ATL1: variants seen among roughly 807,000 people sequenced by gnomAD.
ATL1 encodes the protein atlastin GTPase 1.
Under a neutral mutation model 75.5 loss-of-function variants are expected in ATL1, and 31 were observed. The observed-to-expected ratio is 0.41, with a 90% confidence interval of 0.31 to 0.55. The LOEUF (loss-of-function observed/expected upper bound fraction) is 0.55, where lower values mean the gene tolerates loss of function less well. Ranked by LOEUF, ATL1 falls within the 20% of genes least tolerant of loss-of-function variation. The pLI, the probability that ATL1 is intolerant of heterozygous loss-of-function variation, is 0.27. For missense variants in ATL1, 405 were observed against 662.6 expected (o/e 0.61, Z 4.27); for synonymous variants, 226 against 233.3 (o/e 0.97, Z 0.28).
chr14:50,629,593 A>AT (rs1555365944), intron 12 of ATL1, among the ~76,000 whole-genome samples: 2 of 151,940 alleles, frequency 1.3e-5, no homozygotes, highest in African/African-American at 4.8e-5. Context: ...CAAAAAAAAA[A>AT]AAAAAAACCC....
At chr14:50,572,954 C>T (rs747989577) in intron 1 of ATL1, among the ~76,000 whole-genome samples, 8 of 152,016 alleles carry the variant, frequency 5.3e-5, no homozygotes, top group South Asian at 2.1e-4. Context: ...CATAAGGGGA[C>T]GCAAACACAT....
At chr14:50,578,846 C>T (rs1949305785) in intron 1 of ATL1, among the ~76,000 whole-genome samples, 1 of 152,106 alleles carries the variant, frequency 6.6e-6, no homozygotes, top group Non-Finnish European at 1.5e-5. Context: ...GTCAGGAATA[C>T]ATATATTTGT....
chr14:50,623,290 G>A (rs1428368268), intron 11 of ATL1, 42 bp downstream of exon 11: 3 of 1,491,566 alleles, frequency 2.0e-6, no homozygotes, highest in Non-Finnish European at 1.9e-6. Context: ...AACAAAACCA[G>A]TATCCTTCAT....
chr14:50,632,156 AAACT>A (rs1286122440), intron 13 of ATL1, 69 bp from the exon 14 acceptor site: 6 of 1,029,786 alleles, frequency 5.8e-6, no homozygotes, highest in African/African-American at 3.3e-5. Context: ...ACAGTACGAT[AAACT>A]AAAAAGGAAA....
chr14:50,574,937 G>GTGTCTA (rs1475087119), intron 1 of ATL1, among the ~76,000 whole-genome samples: 1 of 23,156 alleles, frequency 4.3e-5, no homozygotes, highest in African/African-American at 1.9e-4. Context: ...GTGTGTGTGT[G>GTGTCTA]TATATATATA....
chr14:50,606,386 CTTG>C, intron 6 of ATL1, among the ~76,000 whole-genome samples: 1 of 151,970 alleles, frequency 6.6e-6, no homozygotes, highest in Non-Finnish European at 1.5e-5. Context: ...CCAGGAGGAG[CTTG>C]CAGTTTTGAT....
intron 3 of ATL1, 33 bp from the exon 4 acceptor site, chr14:50,591,502 A>G: frequency 7.0e-7 from 1 of 1,437,260 alleles, no homozygotes; most frequent in East Asian, 2.3e-5. Flanking sequence ...GATGTTCTAT[A>G]AAATATCAAT....
At chr14:50,552,971 A>G (rs930934590) in intron 1 of ATL1, among the ~76,000 whole-genome samples, 3 of 152,196 alleles carry the variant, frequency 2.0e-5, no homozygotes, top group South Asian at 4.1e-4. Flanking sequence ...CATGACTAAG[A>G]ATCCGAAAGC....
chr14:50,629,293 T>C (rs181100958), intron 12 of ATL1, among the ~76,000 whole-genome samples: 99 of 152,222 alleles, frequency 6.5e-4, no homozygotes, highest in Non-Finnish European at 1.0e-3. Flanking sequence ...ATTAAGAACA[T>C]ACTTATGGCC....
chr14:50,620,861 T>C lies in ATL1; in HGVS notation c.990+135T>C, dbSNP rs901687068. Reference sequence around the variant, plus strand: ...GAATCTATAAAAAGGATTTTAAAAATCCTTTCTAAAAAGCTTTTTCAAAAC... The same window carrying C: ...GAATCTATAAAAAGGATTTTAAAAACCCTTTCTAAAAAGCTTTTTCAAAAC... On this transcript the variant is annotated intron_variant, in intron 9 of 13. Coordinates refer to ENST00000358385, the MANE Select transcript of ATL1 (RefSeq NM_015915.5). 6.5e-5 allele frequency: 74 copies of C among 1,132,968 alleles called. No homozygotes were observed. In the Middle Eastern group the frequency reaches 1.0e-3, roughly 15 times the overall value. 70.2% of individuals were successfully genotyped at this position (1,132,968 alleles called of 1,614,324 possible). A position where few individuals can be genotyped will look rare whatever the true frequency, so the allele number is the denominator to read the frequency against.
At chr14:50,543,980 C>A (rs778371075) in intron 1 of ATL1, among the ~76,000 whole-genome samples, 14 of 152,172 alleles carry the variant, frequency 9.2e-5, no homozygotes, top group Non-Finnish European at 1.6e-4. Context: ...ACTAAATCAA[C>A]AGTTAGAGAA....
chr14:50,597,843 C>T (rs1033715932), intron 6 of ATL1, among the ~76,000 whole-genome samples: 3 of 151,982 alleles, frequency 2.0e-5, no homozygotes, highest in Non-Finnish European at 2.9e-5. Context: ...TACAGGTGCC[C>T]GCCACCACAC....
At chr14:50,562,935 A>C (rs1352443610) in intron 1 of ATL1, among the ~76,000 whole-genome samples, 1 of 152,220 alleles carries the variant, frequency 6.6e-6, no homozygotes, top group Non-Finnish European at 1.5e-5. Flanking sequence ...TAGTAACAGC[A>C]ATAGTAGCCA....
chr14:50,582,875 T>C (rs1452814794), intron 1 of ATL1, among the ~76,000 whole-genome samples: 1 of 152,200 alleles, frequency 6.6e-6, no homozygotes, highest in Non-Finnish European at 1.5e-5. Flanking sequence ...CATTATACTA[T>C]ACCCTGAGAC....
chr14:50,630,058 G>C (rs774268485), intron 13 of ATL1, 49 bp downstream of exon 13: 7 of 1,298,818 alleles, frequency 5.4e-6, no homozygotes, highest in Middle Eastern at 1.8e-4. Flanking sequence ...TAAACATTAT[G>C]ATATTATTTT....
chr14:50,561,307 A>C (rs920723642), intron 1 of ATL1, among the ~76,000 whole-genome samples: 3 of 152,252 alleles, frequency 2.0e-5, no homozygotes, highest in Admixed American at 6.5e-5. Context: ...CCAGCATCTT[A>C]GGAACGAAAG....
At chr14:50,611,184 T>C (rs2039362721) in intron 6 of ATL1, among the ~76,000 whole-genome samples, 1 of 152,062 alleles carries the variant, frequency 6.6e-6, no homozygotes. Flanking sequence ...CACTTAAGTG[T>C]CCCAAATCCT....
In ATL1 at chr14:50,584,554, A is replaced by T. The variant is rs552334226; in HGVS notation, c.35-3277A>T. On this transcript the variant is annotated intron_variant, in intron 1 of 13. Coordinates refer to ENST00000358385, the MANE Select transcript of ATL1 (RefSeq NM_015915.5). ...TTGTCTCTACTAAAAATAAAAAAAT[A>T]AAAAATAAAAAATGCGAGGTGGCGG... Among the ~76,000 whole-genome samples, 3 of 152,004 alleles carry T rather than the reference A, an allele frequency of 2.0e-5. No individual in the cohort carries two copies. In the South Asian group the frequency reaches 6.2e-4, roughly 32 times the overall value.
chr14:50,557,116 A>G (rs760067446), upstream of ATL1, among the ~76,000 whole-genome samples: 73 of 152,308 alleles, frequency 4.8e-4, 1 homozygote, highest in Middle Eastern at 0.017. Context: ...GCAGTTTATG[A>G]GGGTGCCAAT....
Sources: allele counts gnomAD v4.1 joint callset (sites outside exome capture counted in the v4.1 genomes callset), GRCh38; gene constraint gnomAD v4.1.1; transcripts MANE v1.5; gene names NCBI Gene and HGNC (gene_info 2026-07-23, HGNC 2026-07-21).